BRAF: variants seen among roughly 807,000 people sequenced by gnomAD.
BRAF encodes B-Raf proto-oncogene, serine/threonine kinase.
Under a neutral mutation model 104.6 loss-of-function variants are expected in BRAF, and 16 were observed. The observed-to-expected ratio is 0.15, with a 90% confidence interval of 0.10 to 0.23. The LOEUF (loss-of-function observed/expected upper bound fraction) is 0.23, where lower values mean the gene tolerates loss of function less well. BRAF is among the 10% of genes least tolerant of loss of function. The pLI is 1.00. For missense variants in BRAF, 541 were observed against 937.3 expected (o/e 0.58, Z 5.52); for synonymous variants, 310 against 341.6 (o/e 0.91, Z 1.02).
At position 140,919,030 on chromosome 7, in the gene BRAF, T is replaced by C. The variant is rs559958950; in HGVS notation, c.138+5536A>G. On this transcript the variant is annotated intron_variant, in intron 1 of 19. Transcript: ENST00000644969. ...GGCAGGCGCCTGTAGTCCCAGCTAC[T>C]GGGGAGGCTGAGGCAGGAGAAAGGC... Among the ~76,000 whole-genome samples, 61 of 150,208 alleles carry C rather than the reference T, an allele frequency of 4.1e-4. No homozygotes were observed. In the South Asian group the frequency reaches 0.012, roughly 30 times the overall value.
intron 19 of BRAF, among the ~76,000 whole-genome samples, chr7:140,728,028 T>C (rs1283820761): frequency 1.3e-5 from 2 of 152,202 alleles, no homozygotes; most frequent in Non-Finnish European, 2.9e-5. Context: ...CTGATTGCTA[T>C]CAGATTCCAA....
At chr7:140,763,289 A>C (rs1235621431) in intron 14 of BRAF, among the ~76,000 whole-genome samples, 9 of 128,698 alleles carry the variant, frequency 7.0e-5, no homozygotes, top group Admixed American at 2.5e-4. Flanking sequence ...CGGGGGGCTG[A>C]CCCCCCCCAC....
At chr7:140,845,300 A>G (rs896082049) in intron 2 of BRAF, among the ~76,000 whole-genome samples, 2 of 152,184 alleles carry the variant, frequency 1.3e-5, no homozygotes, top group African/African-American at 2.4e-5. Flanking sequence ...ATGTCATGGC[A>G]TTGGATTTGG....
At chr7:140,865,425 C>T (rs988753258) in intron 1 of BRAF, among the ~76,000 whole-genome samples, 1 of 152,124 alleles carries the variant, frequency 6.6e-6, no homozygotes, top group Non-Finnish European at 1.5e-5. Flanking sequence ...AGCTGCACTG[C>T]CAGACATTGT....
At chr7:140,743,056 TA>T (rs1401234492) in intron 17 of BRAF, among the ~76,000 whole-genome samples, 9 of 152,166 alleles carry the variant, frequency 5.9e-5, no homozygotes, top group Non-Finnish European at 1.0e-4. Flanking sequence ...TCACAATCAT[TA>T]AAAAGTCAGG....
At chr7:140,900,024 T>G (rs1204629167) in intron 1 of BRAF, among the ~76,000 whole-genome samples, 1 of 152,238 alleles carries the variant, frequency 6.6e-6, no homozygotes, top group African/African-American at 2.4e-5. Flanking sequence ...AGCCTTCAAA[T>G]GACTGCAGCC....
In BRAF at chr7:140,866,599, A is replaced by G. The variant is rs185237844; in HGVS notation, c.139-16387T>C. 1.3e-3 allele frequency among the ~76,000 whole-genome samples: 196 copies of G among 152,328 alleles called. 1 individual carries two copies. The highest frequency in any genetic ancestry group is 4.3e-3 in the African/African-American group (177 of 41,578). On this transcript the variant is annotated intron_variant, in intron 1 of 19. Transcript: ENST00000644969. ...GCTTAGAGGAGACTGATGAAATCAC[A>G]TTCAAGAAGGCTCACCTGAGGCTAG...
At chr7:140,848,402 A>C (rs1216656926) in intron 2 of BRAF, among the ~76,000 whole-genome samples, 1 of 152,256 alleles carries the variant, frequency 6.6e-6, no homozygotes, top group African/African-American at 2.4e-5. Flanking sequence ...AAGTAACTAT[A>C]AGAAATGAGT....
Position 140,723,894 on chromosome 7 carries a change from C to T in BRAF, c.*2600G>A, listed in dbSNP as rs1219902715. 7 of 1,045,286 alleles carry T rather than the reference C, an allele frequency of 6.7e-6. No individual in the cohort carries two copies. Among genetic ancestry groups the T allele is most frequent in the Non-Finnish European group, 8.1e-6 (7 of 866,874 alleles). 64.8% of individuals were successfully genotyped at this position (1,045,286 alleles called of 1,614,324 possible). A position where few individuals can be genotyped will look rare whatever the true frequency, so the allele number is the denominator to read the frequency against. On this transcript the variant is annotated 3_prime_UTR_variant, in exon 20 of 20. Transcript: ENST00000644969. Reference sequence around the variant, plus strand: ...TCAGTAAGTCTAACTGTTGTCTAAGCATCAAAAAATAAAGCAGATAAAACA... The same window carrying T: ...TCAGTAAGTCTAACTGTTGTCTAAGTATCAAAAAATAAAGCAGATAAAACA...
At chr7:140,773,415 C>T (rs780774267) in intron 14 of BRAF, 4 of 152,056 alleles carry the variant, frequency 2.6e-5, no homozygotes, top group Admixed American at 1.3e-4. Context: ...TTCTGCATTT[C>T]GGAAGAGTAG....
intron 1 of BRAF, among the ~76,000 whole-genome samples, chr7:140,867,054 T>G (rs1811044413): frequency 6.6e-6 from 1 of 152,184 alleles, no homozygotes; most frequent in Non-Finnish European, 1.5e-5. Flanking sequence ...ATTTTCCCTG[T>G]GCCATATACT....
At chr7:140,889,220 A>G (rs1299370623) in intron 1 of BRAF, among the ~76,000 whole-genome samples, 2 of 152,222 alleles carry the variant, frequency 1.3e-5, no homozygotes, top group Admixed American at 6.5e-5. Context: ...TTCTGACAAG[A>G]AACTAGCTAT....
chr7:140,760,145 G>C (rs150212259), intron 14 of BRAF, among the ~76,000 whole-genome samples: 1 of 152,298 alleles, frequency 6.6e-6, no homozygotes, highest in African/African-American at 2.4e-5. Flanking sequence ...AGGCACAGTG[G>C]ATCATGCCTG....
intron 14 of BRAF, among the ~76,000 whole-genome samples, chr7:140,758,629 A>G (rs1798399864): frequency 6.6e-6 from 1 of 151,888 alleles, no homozygotes; most frequent in South Asian, 2.1e-4. Flanking sequence ...TAATTAAAAA[A>G]CTGCTTTGTA....
In BRAF at chr7:140,924,671, G is replaced by A; in HGVS notation, c.33C>T (p.Gly11=). The change falls in exon 1 of 20, where the codon GGC becomes GGT. Residue 11 remains glycine, a synonymous_variant. Transcript: ENST00000644969. This position sits in a 1 kb window ranked among gnomAD's most constrained non-coding sequence, Gnocchi z 4.2. MAALSGGGGG[G]AEPGQALFNG... ...TGAACAGAGCCTGGCCCGGCTCCGCGCCGCCACCACCGCCACCGCTCAGCG... is the reference window on the plus strand; with the variant it reads ...TGAACAGAGCCTGGCCCGGCTCCGCACCGCCACCACCGCCACCGCTCAGCG... 4 of 1,274,376 alleles carry A rather than the reference G, an allele frequency of 3.1e-6. No homozygotes were observed. Among genetic ancestry groups the A allele is most frequent in the Middle Eastern group, 2.6e-4 (1 of 3,890 alleles). The allele number at this position is 1,274,376 out of a possible 1,614,324, so 78.9% of individuals were successfully genotyped here.
At chr7:140,914,709 A>T (rs1013306082) in intron 1 of BRAF, among the ~76,000 whole-genome samples, 1 of 152,024 alleles carries the variant, frequency 6.6e-6, no homozygotes, top group Non-Finnish European at 1.5e-5. Context: ...AGTCACCTCC[A>T]TAAAACATTA....
At chr7:140,883,711 C>G (rs1042521109) in intron 1 of BRAF, among the ~76,000 whole-genome samples, 1 of 152,216 alleles carries the variant, frequency 6.6e-6, no homozygotes, top group African/African-American at 2.4e-5. Flanking sequence ...GATTTATCCA[C>G]AGACCTCTCT....
chr7:140,795,727 T>G (rs1202340362), intron 7 of BRAF, among the ~76,000 whole-genome samples: 4 of 152,192 alleles, frequency 2.6e-5, no homozygotes. Context: ...TGTGTTTATA[T>G]TAATGAAATG....
chr7:140,729,786 A>G (rs1390890961), intron 19 of BRAF, among the ~76,000 whole-genome samples: 1 of 152,140 alleles, frequency 6.6e-6, no homozygotes, highest in Non-Finnish European at 1.5e-5. Flanking sequence ...TCAAAAACAA[A>G]AAAATTACCA....
Sources: gnomAD v4.1 joint callset for allele counts (sites outside exome capture counted in the v4.1 genomes callset) on GRCh38, gnomAD v4.1.1 for gene constraint, Gnocchi (gnomAD v3.1) non-coding constraint, MANE v1.5 for transcripts, NCBI Gene and HGNC (gene_info 2026-07-23, HGNC 2026-07-21) for gene names.